The following FOXK1 variants were observed in gnomAD, a reference collection of about 807,000 sequenced individuals.
FOXK1 encodes forkhead box protein K1.
A neutral mutation model predicts 51.9 loss-of-function variants in FOXK1; 19 were observed. The ratio of observed to expected loss-of-function variants is 0.37; its 90% CI spans 0.26 to 0.54. FOXK1 has a LOEUF of 0.54. FOXK1 is among the 20% of genes least tolerant of loss of function. The pLI is 0.87. For missense variants in FOXK1, 870 were observed against 1,032.7 expected (o/e 0.84, Z 2.16); for synonymous variants, 537 against 482.6 (o/e 1.11, Z -1.48).
Position 4,756,265 on chromosome 7 carries a change from C to G in FOXK1, c.1051-729C>G, listed in dbSNP as rs1351645704. ...AAGTAGCTGGGGCTACAGGTGCCCA[C>G]CACCACACCTGGCTATTTTTTGTAT... On this transcript the variant is annotated intron_variant, in intron 4 of 8. Coordinates refer to ENST00000328914, the MANE Select transcript of FOXK1 (RefSeq NM_001037165.2). This position sits in a 1 kb window ranked among gnomAD's most constrained non-coding sequence, Gnocchi z 4.1. 2.0e-5 allele frequency among the ~76,000 whole-genome samples: 3 copies of G among 152,106 alleles called. No individual in the cohort carries two copies. The highest frequency in any genetic ancestry group is 4.4e-5 in the Non-Finnish European group (3 of 68,016).
Position 4,759,294 on chromosome 7 carries a change from C to T in FOXK1, c.1412-17C>T, listed in dbSNP as rs201286259. ...GGTGCGGGAGGGGTCACCGTCCGCT[C>T]TCCGCCCTCCGTGCAGGCTCCCCCG... On this transcript the variant is annotated splice_polypyrimidine_tract_variant and intron_variant, in intron 6 of 8. Coordinates refer to ENST00000328914, the MANE Select transcript of FOXK1 (RefSeq NM_001037165.2). 4.4e-5 allele frequency: 70 copies of T among 1,601,442 alleles called. No homozygotes were observed. Among genetic ancestry groups the T allele is most frequent in the Non-Finnish European group, 3.0e-5 (35 of 1,178,072 alleles).
chr7:4,762,351 A>T lies in FOXK1; in HGVS notation c.2089A>T (p.Thr697Ser). The change falls in exon 9 of 9, where the codon ACT becomes TCT. Residue 697 changes from threonine to serine, a missense_variant. Coordinates refer to ENST00000328914, the MANE Select transcript of FOXK1 (RefSeq NM_001037165.2). The surrounding 1 kb of genome is among the most constrained non-coding windows in gnomAD (Gnocchi z 5.7). ...ATTASASASS[T>S]GEPEVKRSRV... ...CACCGCCTCTGCCTCCGCCTCTTCCACTGGAGAGCCCGAGGTCAAAAGGTC... is the reference window on the plus strand; with the variant it reads ...CACCGCCTCTGCCTCCGCCTCTTCCTCTGGAGAGCCCGAGGTCAAAAGGTC... 6.4e-7 allele frequency: 1 copy of T among 1,550,722 alleles called. No individual in the cohort carries two copies. The highest frequency in any genetic ancestry group is 8.7e-7 in the Non-Finnish European group (1 of 1,146,898).
chr7:4,728,970 T>A (rs1780416028), intron 1 of FOXK1, among the ~76,000 whole-genome samples: 1 of 152,156 alleles, frequency 6.6e-6, no homozygotes, highest in South Asian at 2.1e-4. Context: ...ATCTGCAGAT[T>A]AAGCCATTTT....
Position 4,735,395 on chromosome 7 carries a change from T to G in FOXK1, c.561-5443T>G, listed in dbSNP as rs532373511. Among the ~76,000 whole-genome samples, 23 of 152,318 alleles carry G rather than the reference T, an allele frequency of 1.5e-4. No individual in the cohort carries two copies. The highest frequency in any genetic ancestry group is 5.5e-4 in the African/African-American group (23 of 41,582). ...ATACCTTACAACTAACCCTTTCCAT[T>G]GTTCCAGTCCGTGGTTTTCAGCGCA... On this transcript the variant is annotated intron_variant, in intron 1 of 8. Coordinates refer to ENST00000328914, the MANE Select transcript of FOXK1 (RefSeq NM_001037165.2). This position sits in a 1 kb window ranked among gnomAD's most constrained non-coding sequence, Gnocchi z 4.7.
intron 1 of FOXK1, among the ~76,000 whole-genome samples, chr7:4,690,301 T>C (rs533125485): frequency 6.6e-6 from 1 of 152,372 alleles, no homozygotes; most frequent in Admixed American, 6.5e-5. Context: ...GGGTGAAGCT[T>C]TAGTTTCAGT....
intron 1 of FOXK1, among the ~76,000 whole-genome samples, chr7:4,695,110 T>G (rs923691006): frequency 6.6e-6 from 1 of 152,360 alleles, no homozygotes; most frequent in African/African-American, 2.4e-5. Flanking sequence ...CTGCAAAGTT[T>G]GTGTCCGCTA....
chr7:4,699,401 C>G (rs1351074580), intron 1 of FOXK1, among the ~76,000 whole-genome samples: 1 of 149,330 alleles, frequency 6.7e-6, no homozygotes, highest in African/African-American at 2.5e-5. Context: ...AGACATCTCA[C>G]TCTGTCACCC....
At position 4,765,007 on chromosome 7, in the gene FOXK1, A is replaced by G. The variant is rs111980778; in HGVS notation, c.*2543A>G. Reference sequence around the variant, plus strand: ...GATGGAGCCGGGAGGTGGCGAGCACAGGACCCCGGGGCTGCATTCTGCCGT... The same window carrying G: ...GATGGAGCCGGGAGGTGGCGAGCACGGGACCCCGGGGCTGCATTCTGCCGT... On this transcript the variant is annotated 3_prime_UTR_variant, in exon 9 of 9. Transcript: ENST00000328914. The G allele has an allele frequency of 0.027, 4,098 of 152,578 alleles. 77 individuals carry two copies. Among genetic ancestry groups the G allele is most frequent in the Middle Eastern group, 0.063 (19 of 300 alleles). 9.5% of individuals were successfully genotyped at this position (152,578 alleles called of 1,614,324 possible).
At chr7:4,704,182 G>C (rs1780053499) in intron 1 of FOXK1, among the ~76,000 whole-genome samples, 2 of 152,118 alleles carry the variant, frequency 1.3e-5, no homozygotes, top group Non-Finnish European at 2.9e-5. Flanking sequence ...CGGGCGTGGT[G>C]GCGCACACCT....
rs866771986 is a variant in FOXK1 at position 4,734,065 on chromosome 7, T to G, written c.561-6773T>G. Among the ~76,000 whole-genome samples the G allele has an allele frequency of 6.1e-4, 93 of 152,280 alleles. 1 individual carries two copies. In the Middle Eastern group the frequency reaches 0.014, roughly 22 times the overall value. ...GACTTCCAGCTCGTCACCCATGTCC[T>G]CAACCCCTAACCACTGAAGCGATGC... is the stretch of plus-strand genomic sequence containing the variant. On this transcript the variant is annotated intron_variant, in intron 1 of 8. Coordinates refer to ENST00000328914, the MANE Select transcript of FOXK1 (RefSeq NM_001037165.2). The surrounding 1 kb of genome is among the most constrained non-coding windows in gnomAD (Gnocchi z 5.2).
At chr7:4,697,847 T>G (rs1303714960) in intron 1 of FOXK1, among the ~76,000 whole-genome samples, 1 of 151,418 alleles carries the variant, frequency 6.6e-6, no homozygotes, top group Non-Finnish European at 1.5e-5. Context: ...TATTTTGAGA[T>G]GGAGTCTCGC....
Position 4,731,384 on chromosome 7 carries a change from A to G in FOXK1, c.561-9454A>G, listed in dbSNP as rs114325480. Among the ~76,000 whole-genome samples, 1,927 of 152,358 alleles carry G rather than the reference A, an allele frequency of 0.013. 44 individuals carry two copies. Among genetic ancestry groups the G allele is most frequent in the African/African-American group, 0.045 (1,851 of 41,580 alleles). ...CCTGCAAAATTCGAAAAGTACCTGG[A>G]GTATGTAACAGCTTTTGCCTCCCAT... On this transcript the variant is annotated intron_variant, in intron 1 of 8. Transcript: ENST00000328914. The surrounding 1 kb of genome is among the most constrained non-coding windows in gnomAD (Gnocchi z 5.3).
chr7:4,706,852 T>C (rs1024101920), intron 1 of FOXK1, among the ~76,000 whole-genome samples: 1 of 152,002 alleles, frequency 6.6e-6, no homozygotes, highest in Non-Finnish European at 1.5e-5. Flanking sequence ...CGACCCCCAA[T>C]GCCCCTGTAG....
intron 1 of FOXK1, among the ~76,000 whole-genome samples, chr7:4,691,979 A>T (rs1779898121): frequency 6.6e-6 from 1 of 152,142 alleles, no homozygotes; most frequent in Admixed American, 6.6e-5. Context: ...TTATACTCTT[A>T]TACTCCTACA....
chr7:4,769,058 C>G lies in FOXK1; in HGVS notation c.*6594C>G, dbSNP rs1781058030. On this transcript the variant is annotated 3_prime_UTR_variant, in exon 9 of 9. Coordinates refer to ENST00000328914, the MANE Select transcript of FOXK1 (RefSeq NM_001037165.2). The surrounding 1 kb of genome is among the most constrained non-coding windows in gnomAD (Gnocchi z 4.1). The stretch of plus-strand genomic sequence containing the variant: ...GTGAGGCTTTGGAAATTTTTTGTTT[C>G]TTCTACTCATCCTAATGGCTGGTTT... 1 of 152,136 alleles carries G rather than the reference C, an allele frequency of 6.6e-6. No homozygotes were observed. Among genetic ancestry groups the G allele is most frequent in the East Asian group, 1.9e-4 (1 of 5,184 alleles). 9.4% of individuals were successfully genotyped at this position (152,136 alleles called of 1,614,324 possible).
chr7:4,761,950 A>G lies in FOXK1; in HGVS notation c.1922-234A>G, dbSNP rs772825591. On this transcript the variant is annotated intron_variant, in intron 8 of 8. Coordinates refer to ENST00000328914, the MANE Select transcript of FOXK1 (RefSeq NM_001037165.2). This position sits in a 1 kb window ranked among gnomAD's most constrained non-coding sequence, Gnocchi z 6.2. Reference sequence around the variant, plus strand: ...CGTCGATGTCCAGCAGGATCTAGACAGCAATGAGAGGGGCCTCCACCCAAC... The same window carrying G: ...CGTCGATGTCCAGCAGGATCTAGACGGCAATGAGAGGGGCCTCCACCCAAC... Among the ~76,000 whole-genome samples, 1 of 152,066 alleles carries G rather than the reference A, an allele frequency of 6.6e-6. No individual in the cohort carries two copies. Among genetic ancestry groups the G allele is most frequent in the Non-Finnish European group, 1.5e-5 (1 of 67,996 alleles).
At position 4,683,219 on chromosome 7, in the gene FOXK1, C is replaced by T. The variant is rs542808163; in HGVS notation, c.560+351C>T. 1.3e-5 allele frequency among the ~76,000 whole-genome samples: 2 copies of T among 151,784 alleles called. No homozygotes were observed. Among genetic ancestry groups the T allele is most frequent in the South Asian group, 2.1e-4 (1 of 4,796 alleles). ...GGGTCACCCCTGACCTCATCTCCCA[C>T]CGGCCTGGGCTCCTGGAGCCACCCA... On this transcript the variant is annotated intron_variant, in intron 1 of 8. Transcript: ENST00000328914. This position sits in a 1 kb window ranked among gnomAD's most constrained non-coding sequence, Gnocchi z 4.5.
Position 4,754,503 on chromosome 7 carries a change from C to G in FOXK1, c.791C>G (p.Ser264Cys). 6.2e-7 allele frequency: 1 copy of G among 1,613,102 alleles called. No homozygotes were observed. Among genetic ancestry groups the G allele is most frequent in the Non-Finnish European group, 8.5e-7 (1 of 1,180,038 alleles). ...GCCAGTCCACGCGGTGCCGGCTCCT[C>G]CAGTTACCGCTTTGTGCAGAACGTG... ...CPASPRGAGS[S>C]SYRFVQNVTS... The change falls in exon 3 of 9, where the codon TCC becomes TGC. Residue 264 changes from serine (S) to cysteine (C), a missense_variant. By Grantham distance (112) the Ser-to-Cys change is moderately radical. Coordinates refer to ENST00000328914, the MANE Select transcript of FOXK1 (RefSeq NM_001037165.2).
At position 4,766,066 on chromosome 7, in the gene FOXK1, GTCTT is replaced by G. The variant is rs1163414275; in HGVS notation, c.*3609_*3612del. ...TGTGTGCCCATCCTCAGCCACTTGT[GTCTT>G]TCTTTCCATGTGGGAGTTCTCCCGG... On this transcript the variant is annotated 3_prime_UTR_variant, in exon 9 of 9. Coordinates refer to ENST00000328914, the MANE Select transcript of FOXK1 (RefSeq NM_001037165.2). The surrounding 1 kb of genome is among the most constrained non-coding windows in gnomAD (Gnocchi z 5.5). 1.3e-5 allele frequency: 2 copies of G among 152,318 alleles called. No homozygotes were observed. Among genetic ancestry groups the G allele is most frequent in the Admixed American group, 6.5e-5 (1 of 15,270 alleles). The allele number at this position is 152,318 out of a possible 1,614,324, so 9.4% of individuals were successfully genotyped here.
Sources: gnomAD v4.1 joint callset for allele counts (sites outside exome capture counted in the v4.1 genomes callset) on GRCh38, gnomAD v4.1.1 for gene constraint, Gnocchi (gnomAD v3.1) non-coding constraint, MANE v1.5 for transcripts, NCBI Gene and HGNC (gene_info 2026-07-23, HGNC 2026-07-21) for gene names.